MED27: variants seen among roughly 807,000 people sequenced by gnomAD.
MED27 encodes the protein mediator of RNA polymerase II transcription subunit 27.
In MED27, 30 loss-of-function variants were observed where a neutral mutation model predicts 38.2. That is an observed-to-expected ratio of 0.79 (90% CI 0.59 to 1.07). MED27 has a LOEUF of 1.07. Among genes scored for constraint, MED27 ranks in the 50% least tolerant of loss-of-function variants. The pLI is 0.00. For synonymous variants in MED27, 122 were observed against 153.5 expected (o/e 0.79, Z 1.52); for missense variants, 289 against 397.5 (o/e 0.73, Z 2.32).
At position 131,917,329 on chromosome 9, in the gene MED27, C is replaced by A. The variant is rs1260039701; in HGVS notation, c.573+22052G>T. Among the ~76,000 whole-genome samples the A allele has an allele frequency of 6.6e-6, 1 of 152,040 alleles. No individual in the cohort carries two copies. The highest frequency in any genetic ancestry group is 3.2e-3 in the Middle Eastern group (1 of 316). On this transcript the variant is annotated intron_variant, in intron 4 of 7. Transcript: ENST00000292035. This position sits in a 1 kb window ranked among gnomAD's most constrained non-coding sequence, Gnocchi z 4.6. ...AGAGAGGGAAGAAGAGGAGAAAGGT[C>A]AACTGAGGCCGGGTTATACAGACCA...
At chr9:131,963,202 C>A (rs562778570) in intron 3 of MED27, among the ~76,000 whole-genome samples, 1 of 152,002 alleles carries the variant, frequency 6.6e-6, no homozygotes, top group African/African-American at 2.4e-5. Context: ...TAATAGCAAC[C>A]GTATCATTCA....
intron 4 of MED27, among the ~76,000 whole-genome samples, chr9:131,921,878 A>G (rs1830397766): frequency 6.6e-6 from 1 of 152,212 alleles, no homozygotes; most frequent in African/African-American, 2.4e-5. Context: ...TTGTAGGGAC[A>G]TGGATGAAGC....
intron 5 of MED27, among the ~76,000 whole-genome samples, chr9:131,890,609 A>G (rs1001509265): frequency 6.6e-6 from 1 of 152,182 alleles, no homozygotes; most frequent in African/African-American, 2.4e-5. Flanking sequence ...TCATATCCCA[A>G]GTAGGCTTTT....
At chr9:131,992,901 A>G (rs988573567) in intron 3 of MED27, among the ~76,000 whole-genome samples, 1 of 152,234 alleles carries the variant, frequency 6.6e-6, no homozygotes, top group African/African-American at 2.4e-5. Flanking sequence ...TTACTGAGTG[A>G]TCGCTGTATC....
intron 4 of MED27, among the ~76,000 whole-genome samples, chr9:131,920,266 G>A (rs1172626902): frequency 6.6e-6 from 1 of 152,094 alleles, no homozygotes; most frequent in Non-Finnish European, 1.5e-5. Flanking sequence ...TTACAAGTGC[G>A]CTTATCAATA....
At chr9:132,059,789 C>T (rs918316313) in intron 2 of MED27, among the ~76,000 whole-genome samples, 5 of 152,216 alleles carry the variant, frequency 3.3e-5, no homozygotes, top group African/African-American at 1.2e-4. Flanking sequence ...TCAACTTCCT[C>T]GCTTGGTATT....
At chr9:131,977,206 G>A (rs189606690) in intron 3 of MED27, among the ~76,000 whole-genome samples, 11 of 152,242 alleles carry the variant, frequency 7.2e-5, no homozygotes, top group Admixed American at 1.3e-4. Context: ...AAGCCCCTAC[G>A]CAGAGCAGAA....
intron 4 of MED27, among the ~76,000 whole-genome samples, chr9:131,900,925 G>A (rs908867305): frequency 1.3e-5 from 2 of 150,782 alleles, no homozygotes; most frequent in African/African-American, 4.9e-5. Flanking sequence ...AAGAGAGAGG[G>A]AGAGGGAGAG....
At chr9:131,937,848 C>T (rs1427555955) in intron 4 of MED27, among the ~76,000 whole-genome samples, 1 of 148,852 alleles carries the variant, frequency 6.7e-6, no homozygotes, top group East Asian at 2.0e-4. Context: ...TTTTTTGAGA[C>T]AGAGTCTCGC....
At chr9:132,079,613 C>G in intron 1 of MED27, 29 bp downstream of exon 1, 1 of 1,609,368 alleles carries the variant, frequency 6.2e-7, no homozygotes, top group Non-Finnish European at 8.5e-7. Context: ...GGCCGGTCCC[C>G]GACCCCGGCC....
intron 3 of MED27, among the ~76,000 whole-genome samples, chr9:131,943,137 A>T (rs1830816870): frequency 6.6e-6 from 1 of 152,160 alleles, no homozygotes. Flanking sequence ...AGGAGATGCA[A>T]ATTTCTTTTC....
chr9:131,915,124 T>C (rs1395232133), intron 4 of MED27, among the ~76,000 whole-genome samples: 1 of 151,388 alleles, frequency 6.6e-6, no homozygotes, highest in African/African-American at 2.4e-5. Context: ...ATCTAGGGAG[T>C]AGGAGTAGAC....
At chr9:131,881,672 T>C (rs1332594816) in intron 6 of MED27, among the ~76,000 whole-genome samples, 1 of 152,112 alleles carries the variant, frequency 6.6e-6, no homozygotes, top group Non-Finnish European at 1.5e-5. Context: ...GGTACATTTG[T>C]CACAACAAAG....
At chr9:132,007,730 T>G (rs1450721369) in intron 3 of MED27, among the ~76,000 whole-genome samples, 1 of 151,856 alleles carries the variant, frequency 6.6e-6, no homozygotes, top group Admixed American at 6.6e-5. Flanking sequence ...GAAATAATTA[T>G]GGTGTAGGAC....
At chr9:132,014,271 C>T in intron 3 of MED27, 66 bp downstream of exon 3, 1 of 1,501,594 alleles carries the variant, frequency 6.7e-7, no homozygotes, top group Non-Finnish European at 9.0e-7. Flanking sequence ...TTCCACTACC[C>T]AAAAACAAGT....
chr9:131,988,442 C>G (rs1438917732), intron 3 of MED27, among the ~76,000 whole-genome samples: 1 of 152,232 alleles, frequency 6.6e-6, no homozygotes, highest in South Asian at 2.1e-4. Flanking sequence ...AGACCAACCC[C>G]TCCTTGCTCC....
chr9:131,974,043 A>T (rs925201074), intron 3 of MED27, among the ~76,000 whole-genome samples: 1 of 152,022 alleles, frequency 6.6e-6, no homozygotes, highest in Admixed American at 6.6e-5. Context: ...TTCCCTCCAC[A>T]TTTATTAATC....
intron 2 of MED27, among the ~76,000 whole-genome samples, chr9:132,024,301 G>A (rs1832773561): frequency 6.6e-6 from 1 of 152,208 alleles, no homozygotes; most frequent in Non-Finnish European, 1.5e-5. Context: ...TCCATGGGGG[G>A]CAGTATTGTT....
intron 4 of MED27, among the ~76,000 whole-genome samples, chr9:131,894,758 T>C (rs187200179): frequency 1.5e-3 from 225 of 152,224 alleles, no homozygotes; most frequent in African/African-American, 5.3e-3. Flanking sequence ...GGTGTGGATA[T>C]GGCTGTTTCC....
Sources: gnomAD v4.1 joint callset for allele counts (sites outside exome capture counted in the v4.1 genomes callset) on GRCh38, gnomAD v4.1.1 for gene constraint, Gnocchi (gnomAD v3.1) non-coding constraint, MANE v1.5 for transcripts, NCBI Gene and HGNC (gene_info 2026-07-23, HGNC 2026-07-21) for gene names.